The following ATRNL1 variants were observed in gnomAD, a reference collection of about 807,000 sequenced individuals.
ATRNL1 encodes the protein attractin like 1.
A neutral mutation model predicts 182.7 loss-of-function variants in ATRNL1; 95 were observed. That is an observed-to-expected ratio of 0.52 (90% CI 0.44 to 0.62). The LOEUF (loss-of-function observed/expected upper bound fraction) is 0.62. Ranked by LOEUF, ATRNL1 falls within the 20% of genes least tolerant of loss-of-function variation. ATRNL1 has a pLI of 0.00. For synonymous variants in ATRNL1, 576 were observed against 568.3 expected (o/e 1.01, Z -0.19); for missense variants, 1,471 against 1,679.5 (o/e 0.88, Z 2.17).
At chr10:115,283,491 C>A (rs1852467476) in intron 14 of ATRNL1, among the ~76,000 whole-genome samples, 1 of 152,110 alleles carries the variant, frequency 6.6e-6, no homozygotes, top group African/African-American at 2.4e-5. Context: ...TACATACTGG[C>A]CCTTAAAGCC....
intron 26 of ATRNL1, among the ~76,000 whole-genome samples, chr10:115,705,748 C>G (rs1224485893): frequency 6.6e-6 from 1 of 151,892 alleles, no homozygotes; most frequent in Non-Finnish European, 1.5e-5. Flanking sequence ...GAGTAAAATG[C>G]TTTCACTATT....
intron 28 of ATRNL1, among the ~76,000 whole-genome samples, chr10:115,927,708 G>A (rs1006345954): frequency 4.6e-5 from 7 of 152,070 alleles, no homozygotes; most frequent in Non-Finnish European, 8.8e-5. Flanking sequence ...ATACAAACTT[G>A]TAAATGTGTT....
rs112850199 is a variant in ATRNL1, at chr10:115,685,412, G to A, written c.3796-41836G>A. 9.7e-3 allele frequency among the ~76,000 whole-genome samples: 1,479 copies of A among 151,790 alleles called. 23 individuals carry two copies. Among genetic ancestry groups the A allele is most frequent in the African/African-American group, 0.034 (1,417 of 41,486 alleles). ...ATCAATAATGACTACCTCGTGGATT[G>A]TTAAGATAAAATTAGATAATACATG... On this transcript the variant is annotated intron_variant, in intron 26 of 28. Coordinates refer to ENST00000355044, the MANE Select transcript of ATRNL1 (RefSeq NM_207303.4).
At chr10:115,755,678 C>T (rs1948569399) in intron 27 of ATRNL1, among the ~76,000 whole-genome samples, 1 of 152,064 alleles carries the variant, frequency 6.6e-6, no homozygotes, top group African/African-American at 2.4e-5. Flanking sequence ...ATGATGCTGG[C>T]CTCATAAAAT....
intron 28 of ATRNL1, among the ~76,000 whole-genome samples, chr10:115,875,986 G>A (rs1951691573): frequency 6.6e-6 from 1 of 152,146 alleles, no homozygotes; most frequent in African/African-American, 2.4e-5. Context: ...ACACTGAAAG[G>A]CAAAGTAGGA....
At chr10:115,581,999 G>A (rs1457642228) in intron 26 of ATRNL1, among the ~76,000 whole-genome samples, 1 of 148,564 alleles carries the variant, frequency 6.7e-6, no homozygotes, top group Non-Finnish European at 1.5e-5. Context: ...GCGGTGTTTG[G>A]TTTTTTGTTC....
chr10:115,593,873 A>G (rs1458824280), intron 26 of ATRNL1, among the ~76,000 whole-genome samples: 1 of 152,100 alleles, frequency 6.6e-6, no homozygotes, highest in Non-Finnish European at 1.5e-5. Flanking sequence ...TGAAAATTTA[A>G]TTATCTTATT....
intron 8 of ATRNL1, among the ~76,000 whole-genome samples, chr10:115,172,623 C>T (rs1164143904): frequency 2.0e-5 from 3 of 151,870 alleles, no homozygotes; most frequent in Non-Finnish European, 4.4e-5. Flanking sequence ...TTTTCAAGTC[C>T]CACTGATCTC....
In ATRNL1 at chr10:115,221,832, T is replaced by A. The variant is rs1849479066; in HGVS notation, c.1532+5952T>A. 2.0e-5 allele frequency among the ~76,000 whole-genome samples: 3 copies of A among 152,122 alleles called. No homozygotes were observed. In the South Asian group the frequency reaches 6.2e-4, roughly 31 times the overall value. On this transcript the variant is annotated intron_variant, in intron 9 of 28. Coordinates refer to ENST00000355044, the MANE Select transcript of ATRNL1 (RefSeq NM_207303.4). ...ATCATAATCTTTTATTAGATTATGG[T>A]GAAATGCCCATAATGTAGTTAGATG...
At chr10:115,344,046 G>A (rs1180084617) in intron 19 of ATRNL1, among the ~76,000 whole-genome samples, 1 of 152,100 alleles carries the variant, frequency 6.6e-6, no homozygotes, top group South Asian at 2.1e-4. Context: ...TACCACCGTG[G>A]CCATCACCAG....
In ATRNL1 at chr10:115,295,960, A is replaced by G. The variant is rs1353538696; in HGVS notation, c.2416-4074A>G. Reference sequence around the variant, plus strand: ...GTGGCTCTGGTCTCAACATGGCACCATGCTGCAGCATCTTGGCTCAAGGGC... The same window carrying G: ...GTGGCTCTGGTCTCAACATGGCACCGTGCTGCAGCATCTTGGCTCAAGGGC... On this transcript the variant is annotated intron_variant, in intron 15 of 28. Coordinates refer to ENST00000355044, the MANE Select transcript of ATRNL1 (RefSeq NM_207303.4). 3.3e-5 allele frequency among the ~76,000 whole-genome samples: 5 copies of G among 152,224 alleles called. No individual in the cohort carries two copies. In the East Asian group the frequency reaches 9.7e-4, roughly 29 times the overall value.
intron 26 of ATRNL1, among the ~76,000 whole-genome samples, chr10:115,601,069 C>T (rs868934079): frequency 2.0e-5 from 3 of 151,464 alleles, no homozygotes; most frequent in Middle Eastern, 3.2e-3. Context: ...TGATATGTTG[C>T]ATTTTCATTT....
At chr10:115,335,533 A>T (rs539087881) in intron 19 of ATRNL1, among the ~76,000 whole-genome samples, 6 of 152,342 alleles carry the variant, frequency 3.9e-5, no homozygotes, top group African/African-American at 1.4e-4. Context: ...CAGAGTTGAG[A>T]CACATGGGGA....
intron 19 of ATRNL1, among the ~76,000 whole-genome samples, chr10:115,343,991 C>G (rs949641079): frequency 6.6e-5 from 10 of 152,172 alleles, no homozygotes; most frequent in Non-Finnish European, 1.0e-4. Context: ...CAGAATTCCT[C>G]TCTCTGTTCT....
intron 15 of ATRNL1, among the ~76,000 whole-genome samples, chr10:115,298,335 T>G (rs924458212): frequency 3.3e-5 from 5 of 152,172 alleles, no homozygotes; most frequent in Admixed American, 2.0e-4. Context: ...TTATCTTACA[T>G]AAGATAATGA....
rs1425117148 is a variant in ATRNL1 at position 115,313,591 on chromosome 10, T to G, written c.2819-1927T>G. ...ATTTATTTATTCTTTCCCCAGTATT[T>G]TATTCACTGGGTTGAACAATTCAGA... On this transcript the variant is annotated intron_variant, in intron 17 of 28. Transcript: ENST00000355044. Among the ~76,000 whole-genome samples, 25 of 152,210 alleles carry G rather than the reference T, an allele frequency of 1.6e-4. 1 individual carries two copies. The highest frequency in any genetic ancestry group is 6.0e-4 in the African/African-American group (25 of 41,458).
At chr10:115,147,531 A>T (rs567638700) in intron 5 of ATRNL1, among the ~76,000 whole-genome samples, 43 of 152,272 alleles carry the variant, frequency 2.8e-4, no homozygotes, top group African/African-American at 9.6e-4. Context: ...CTTAGCCAAA[A>T]AATCTTTGCC....
At chr10:115,278,009 C>G (rs116629824) in intron 13 of ATRNL1, among the ~76,000 whole-genome samples, 405 of 152,216 alleles carry the variant, frequency 2.7e-3, no homozygotes, top group African/African-American at 9.3e-3. Flanking sequence ...TTGTGACAGT[C>G]ATTTATCTTT....
At chr10:115,597,179 C>T (rs1188776720) in intron 26 of ATRNL1, among the ~76,000 whole-genome samples, 1 of 152,068 alleles carries the variant, frequency 6.6e-6, no homozygotes, top group Non-Finnish European at 1.5e-5. Flanking sequence ...TCTATGTTTA[C>T]TAAAATTTTT....
Sources: allele counts gnomAD v4.1 joint callset (sites outside exome capture counted in the v4.1 genomes callset), GRCh38; gene constraint gnomAD v4.1.1; transcripts MANE v1.5; gene names NCBI Gene and HGNC (gene_info 2026-07-23, HGNC 2026-07-21).